FSHR: variants seen among roughly 807,000 people sequenced by gnomAD.
FSHR encodes follicle-stimulating hormone receptor.
Under a neutral mutation model 52.1 loss-of-function variants are expected in FSHR, and 46 were observed. The ratio of observed to expected loss-of-function variants is 0.88; its 90% CI spans 0.70 to 1.13. The LOEUF (loss-of-function observed/expected upper bound fraction) is 1.13, where lower values mean the gene tolerates loss of function less well. Among genes scored for constraint, FSHR ranks in the 50% most tolerant of loss-of-function variants. The pLI, the probability that FSHR is intolerant of heterozygous loss-of-function variation, is 0.00. For missense variants in FSHR, 964 were observed against 834.6 expected (o/e 1.16, Z -1.91); for synonymous variants, 399 against 309.6 (o/e 1.29, Z -3.03).
intron 2 of FSHR, among the ~76,000 whole-genome samples, chr2:49,042,528 G>A (rs1268167193): frequency 2.0e-5 from 3 of 152,220 alleles, no homozygotes; most frequent in Admixed American, 6.5e-5. Context: ...AGAATTCATT[G>A]CCATTAATAT....
At position 49,127,870 on chromosome 2, in the gene FSHR, TCTTCTTCTTCTTCTTCTTCTTCTTCTTC is replaced by T. The variant is rs1558456955; in HGVS notation, c.152+26368_152+26395del. On this transcript the variant is annotated intron_variant, in intron 1 of 9. Coordinates refer to ENST00000406846, the MANE Select transcript of FSHR (RefSeq NM_000145.4). ...TTCTTCTTCTTCTTCTTCTTCTTCTTCTTCTTCTTCTTCTTCTTCTTCTTCTTCTTTTTTTTTTTTGAGACGGAGTCTT... is the reference window on the plus strand; with the variant it reads ...TTCTTCTTCTTCTTCTTCTTCTTCTTTTTTTTTTTTTTGAGACGGAGTCTT... 3.7e-3 allele frequency among the ~76,000 whole-genome samples: 166 copies of T among 44,708 alleles called. 9 individuals carry two copies. Among genetic ancestry groups the T allele is most frequent in the African/African-American group, 0.022 (119 of 5,446 alleles). The allele number at this position is 44,708 out of a possible 152,430, so 29.3% of individuals were successfully genotyped here. A position where few individuals can be genotyped will look rare whatever the true frequency, so the allele number is the denominator to read the frequency against.
chr2:49,058,375 T>C (rs1014394589), intron 2 of FSHR, among the ~76,000 whole-genome samples: 3 of 151,982 alleles, frequency 2.0e-5, no homozygotes, highest in Admixed American at 1.3e-4. Flanking sequence ...GGTGAAACCC[T>C]GTCTCTACTA....
chr2:49,080,596 A>G (rs1477066496), intron 1 of FSHR, among the ~76,000 whole-genome samples: 1 of 152,246 alleles, frequency 6.6e-6, no homozygotes, highest in Non-Finnish European at 1.5e-5. Context: ...AGTTGATAAG[A>G]TGTATGTAAA....
intron 8 of FSHR, among the ~76,000 whole-genome samples, chr2:48,978,913 G>A (rs1675113311): frequency 6.6e-6 from 1 of 152,146 alleles, no homozygotes; most frequent in Admixed American, 6.5e-5. Flanking sequence ...AATTTTCTTA[G>A]AATTCCTTGC....
intron 2 of FSHR, among the ~76,000 whole-genome samples, chr2:49,044,297 T>G (rs1668581001): frequency 6.6e-6 from 1 of 152,202 alleles, no homozygotes. Flanking sequence ...GGAGCACCTA[T>G]TTTGTTTATT....
intron 4 of FSHR, among the ~76,000 whole-genome samples, chr2:49,010,878 C>G (rs1446326282): frequency 6.6e-6 from 1 of 151,946 alleles, no homozygotes; most frequent in African/African-American, 2.4e-5. Flanking sequence ...GGTGATATCC[C>G]CTTTATCATT....
At position 49,142,660 on chromosome 2, in the gene FSHR, C is replaced by G. The variant is rs75487906; in HGVS notation, c.152+11606G>C. Among the ~76,000 whole-genome samples, 71 of 152,236 alleles carry G rather than the reference C, an allele frequency of 4.7e-4. 2 individuals are homozygous for G. The East Asian group carries it at 0.012, about 26-fold the overall frequency. The stretch of plus-strand genomic sequence containing the variant: ...TCATATGCTTTTGAAATGCCTCTAG[C>G]TGCTGCATAGGGGATAGACTGTTAA... On this transcript the variant is annotated intron_variant, in intron 1 of 9. Transcript: ENST00000406846.
chr2:49,124,570 A>G (rs1671935630), intron 1 of FSHR, among the ~76,000 whole-genome samples: 1 of 151,390 alleles, frequency 6.6e-6, no homozygotes, highest in Non-Finnish European at 1.5e-5. Flanking sequence ...TCAATTGTTC[A>G]GGTTTATAAC....
At chr2:49,090,879 A>C (rs72822027) in intron 1 of FSHR, among the ~76,000 whole-genome samples, 7,853 of 152,068 alleles carry the variant, frequency 0.052, 457 homozygotes, top group East Asian at 0.22. Context: ...AGTGCTGAGC[A>C]TGTTTTGTTG....
chr2:49,057,715 G>T (rs980176623), intron 2 of FSHR, among the ~76,000 whole-genome samples: 5 of 151,864 alleles, frequency 3.3e-5, no homozygotes, highest in African/African-American at 1.2e-4. Context: ...CAAGGACATA[G>T]CAAAAAAAAG....
intron 1 of FSHR, among the ~76,000 whole-genome samples, chr2:49,138,619 G>GA (rs148306119): frequency 0.15 from 23,561 of 152,186 alleles, 1,814 homozygotes; most frequent in Middle Eastern, 0.25. Context: ...CATATTGTAT[G>GA]ATCCCACTCA....
chr2:49,115,417 G>A (rs1033627194), intron 1 of FSHR, among the ~76,000 whole-genome samples: 1 of 152,034 alleles, frequency 6.6e-6, no homozygotes, highest in Non-Finnish European at 1.5e-5. Context: ...ATGGAAAAAC[G>A]GCCAGTGTGG....
chr2:48,994,915 T>G (rs1675955015), intron 4 of FSHR, among the ~76,000 whole-genome samples: 1 of 152,176 alleles, frequency 6.6e-6, no homozygotes, highest in Admixed American at 6.5e-5. Flanking sequence ...ATCTTCAGGT[T>G]GTAAAGTGAA....
intron 1 of FSHR, among the ~76,000 whole-genome samples, chr2:49,113,539 A>G (rs1671500321): frequency 1.3e-5 from 2 of 152,228 alleles, no homozygotes; most frequent in Admixed American, 6.5e-5. Flanking sequence ...AGATTTAAAT[A>G]AAAAACCATT....
At chr2:49,021,839 C>CTT (rs1406834781) in intron 2 of FSHR, among the ~76,000 whole-genome samples, 870 of 44,156 alleles carry the variant, frequency 0.02, 18 homozygotes, top group Middle Eastern at 0.031. Flanking sequence ...GTTTCTCTCT[C>CTT]TCTCTCTCTC....
At chr2:49,061,523 T>C (rs1669288302) in intron 2 of FSHR, among the ~76,000 whole-genome samples, 1 of 145,870 alleles carries the variant, frequency 6.9e-6, no homozygotes, top group African/African-American at 2.5e-5. Flanking sequence ...TAAATATATA[T>C]ATATTTAGAT....
intron 1 of FSHR, among the ~76,000 whole-genome samples, chr2:49,130,750 G>C (rs1279776192): frequency 6.6e-6 from 1 of 152,248 alleles, no homozygotes; most frequent in African/African-American, 2.4e-5. Flanking sequence ...CATTCACCCA[G>C]TTGCTCTGAA....
At chr2:49,111,758 G>C (rs1364646998) in intron 1 of FSHR, among the ~76,000 whole-genome samples, 1 of 152,122 alleles carries the variant, frequency 6.6e-6, no homozygotes, top group Non-Finnish European at 1.5e-5. Flanking sequence ...GAACCATAAT[G>C]GCTTAGTTGG....
chr2:49,115,850 G>A (rs1194647908), intron 1 of FSHR, among the ~76,000 whole-genome samples: 1 of 152,106 alleles, frequency 6.6e-6, no homozygotes, highest in African/African-American at 2.4e-5. Context: ...TCAATCTAGG[G>A]GCAAGAGGGA....
Sources: allele counts gnomAD v4.1 joint callset (sites outside exome capture counted in the v4.1 genomes callset), GRCh38; gene constraint gnomAD v4.1.1; transcripts MANE v1.5; gene names NCBI Gene and HGNC (gene_info 2026-07-23, HGNC 2026-07-21).